The following NFIA variants were observed in gnomAD, a reference collection of about 807,000 sequenced individuals.
NFIA encodes the protein nuclear factor I A.
NFIA carries 8 observed loss-of-function variants against 62.8 expected under a neutral mutation model. That is an observed-to-expected ratio of 0.13 (90% CI 0.07 to 0.23). The LOEUF (loss-of-function observed/expected upper bound fraction) is 0.23, where lower values mean the gene tolerates loss of function less well. Among genes scored for constraint, NFIA ranks in the 10% least tolerant of loss-of-function variants. The pLI, the probability that NFIA is intolerant of heterozygous loss-of-function variation, is 1.00. For synonymous variants in NFIA, 235 were observed against 238.1 expected (o/e 0.99, Z 0.12); for missense variants, 410 against 642.1 (o/e 0.64, Z 3.91).
chr1:61,406,026 TATATA>T (rs1357691395), intron 8 of NFIA, among the ~76,000 whole-genome samples: 5 of 152,338 alleles, frequency 3.3e-5, no homozygotes, highest in African/African-American at 1.2e-4. Flanking sequence ...TATTAAATGT[TATATA>T]ATATCAACTT....
chr1:61,406,189 T>C (rs1665810044), intron 8 of NFIA, among the ~76,000 whole-genome samples: 1 of 152,004 alleles, frequency 6.6e-6, no homozygotes, highest in South Asian at 2.1e-4. Flanking sequence ...AGAAAGATAA[T>C]GAAGGTAGCA....
intron 8 of NFIA, 61 bp downstream of exon 8, chr1:61,404,343 G>T: frequency 6.8e-7 from 1 of 1,469,326 alleles, no homozygotes. Flanking sequence ...AAAATAACAA[G>T]GGGAGACCTT....
chr1:61,267,762 G>A (rs1055166960), intron 2 of NFIA, among the ~76,000 whole-genome samples: 11 of 152,250 alleles, frequency 7.2e-5, no homozygotes, highest in African/African-American at 2.6e-4. Context: ...ACAACTTGTT[G>A]CTCTACCCCA....
At chr1:61,307,677 CCA>C (rs756794266) in intron 3 of NFIA, among the ~76,000 whole-genome samples, 6 of 152,168 alleles carry the variant, frequency 3.9e-5, no homozygotes, top group Non-Finnish European at 7.3e-5. Flanking sequence ...TGGAGTAATG[CCA>C]CTATCAGTGC....
At chr1:61,180,211 G>A (rs532841669) in intron 2 of NFIA, among the ~76,000 whole-genome samples, 7 of 151,730 alleles carry the variant, frequency 4.6e-5, no homozygotes, top group African/African-American at 1.2e-4. Context: ...CTTGAACTCC[G>A]TCACTCAAGA....
chr1:61,360,690 C>T (rs1569607972), intron 6 of NFIA, among the ~76,000 whole-genome samples: 3 of 152,058 alleles, frequency 2.0e-5, no homozygotes, highest in South Asian at 4.1e-4. Context: ...AGGTGTAGCA[C>T]GGGGAAAATG....
chr1:61,283,594 A>AAAAAAAAAAAAAAAAAAAAAAAAG (rs1658295071), intron 3 of NFIA, among the ~76,000 whole-genome samples: 2 of 110,010 alleles, frequency 1.8e-5, no homozygotes, highest in African/African-American at 3.1e-5. Flanking sequence ...AAAAAAAAAA[A>AAAAAAAAAAAAAAAAAAAAAAAAG]AAAAAAAAAA....
chr1:61,085,649 G>C (rs1250938068), intron 1 of NFIA, among the ~76,000 whole-genome samples: 1 of 151,632 alleles, frequency 6.6e-6, no homozygotes, highest in Non-Finnish European at 1.5e-5. Context: ...TGATATTCTG[G>C]AATATTTTAA....
At chr1:61,085,685 G>GA (rs1284589467) in intron 1 of NFIA, among the ~76,000 whole-genome samples, 1 of 151,906 alleles carries the variant, frequency 6.6e-6, no homozygotes, top group Non-Finnish European at 1.5e-5. Flanking sequence ...AGATACATTA[G>GA]AAAAAATCAA....
chr1:61,111,795 C>G (rs1362443697), intron 2 of NFIA, among the ~76,000 whole-genome samples: 1 of 151,992 alleles, frequency 6.6e-6, no homozygotes, highest in African/African-American at 2.4e-5. Flanking sequence ...TTCTTGTTTT[C>G]AATAAGCCAG....
At chr1:61,451,649 G>A (rs903543380) in intron 10 of NFIA, among the ~76,000 whole-genome samples, 1 of 152,156 alleles carries the variant, frequency 6.6e-6, no homozygotes, top group African/African-American at 2.4e-5. Flanking sequence ...GTGTGGATTT[G>A]TGGACCTCCA....
chr1:61,160,129 A>G (rs1319249355), intron 2 of NFIA, among the ~76,000 whole-genome samples: 1 of 152,138 alleles, frequency 6.6e-6, no homozygotes, highest in African/African-American at 2.4e-5. Flanking sequence ...AGGAGAAGGG[A>G]ACTGGAATCC....
At chr1:61,353,806 C>G (rs1662681989) in intron 5 of NFIA, among the ~76,000 whole-genome samples, 1 of 152,084 alleles carries the variant, frequency 6.6e-6, no homozygotes, top group South Asian at 2.1e-4. Flanking sequence ...CCTTTAGTTC[C>G]CTGTAGTATC....
chr1:61,338,978 A>C (rs997478443), intron 4 of NFIA, among the ~76,000 whole-genome samples: 8 of 152,230 alleles, frequency 5.3e-5, no homozygotes, highest in African/African-American at 1.9e-4. Context: ...CGAGCATTAA[A>C]GGAAGAAACA....
At chr1:61,109,491 G>GT (rs1646659637) in intron 2 of NFIA, among the ~76,000 whole-genome samples, 1 of 58,268 alleles carries the variant, frequency 1.7e-5, no homozygotes, top group Non-Finnish European at 5.0e-5. Flanking sequence ...TCTCTTATGA[G>GT]TATTTTTTTT....
At chr1:61,244,883 A>G (rs1392814843) in intron 2 of NFIA, among the ~76,000 whole-genome samples, 1 of 152,228 alleles carries the variant, frequency 6.6e-6, no homozygotes, top group Admixed American at 6.5e-5. Flanking sequence ...CTACCTGTCT[A>G]GATTTAAATT....
intron 7 of NFIA, among the ~76,000 whole-genome samples, chr1:61,391,428 T>G (rs1354413457): frequency 7.3e-6 from 1 of 137,110 alleles, no homozygotes; most frequent in African/African-American, 2.8e-5. Flanking sequence ...CACTTCTTTA[T>G]GAATCAAACA....
At chr1:61,359,566 T>G (rs1384737437) in intron 6 of NFIA, among the ~76,000 whole-genome samples, 1 of 151,906 alleles carries the variant, frequency 6.6e-6, no homozygotes, top group African/African-American at 2.4e-5. Context: ...GGTTTTTTTG[T>G]TTGTTTTGTT....
chr1:61,431,891 A>G (rs907110190), intron 10 of NFIA, among the ~76,000 whole-genome samples: 7 of 152,234 alleles, frequency 4.6e-5, no homozygotes, highest in Admixed American at 6.5e-5. Flanking sequence ...GGAACTCTTC[A>G]TAAGTTCCTT....
Sources: gnomAD v4.1 joint callset for allele counts (sites outside exome capture counted in the v4.1 genomes callset) on GRCh38, gnomAD v4.1.1 for gene constraint, MANE v1.5 for transcripts, NCBI Gene and HGNC (gene_info 2026-07-23, HGNC 2026-07-21) for gene names.